Variants in RAD51D observed in about 807,000 individuals in gnomAD.
The protein encoded by RAD51D is DNA repair protein RAD51 homolog 4.
In RAD51D, 38 loss-of-function variants were observed where a neutral mutation model predicts 44.1. The ratio of observed to expected loss-of-function variants is 0.86; its 90% CI spans 0.67 to 1.13. The LOEUF (loss-of-function observed/expected upper bound fraction) is 1.13, where lower values mean the gene tolerates loss of function less well. Ranked by LOEUF, RAD51D falls within the 50% of genes most tolerant of loss-of-function variation. The pLI is 0.00. For synonymous variants in RAD51D, 141 were observed against 166.6 expected (o/e 0.85, Z 1.18); for missense variants, 390 against 414.0 (o/e 0.94, Z 0.50).
rs1305733001 is a variant in RAD51D at position 35,103,809 on chromosome 17, T to G, written c.577-265A>C. Among the ~76,000 whole-genome samples the G allele has an allele frequency of 6.6e-6, 1 of 152,264 alleles. No individual in the cohort carries two copies. Among genetic ancestry groups the G allele is most frequent in the Non-Finnish European group, 1.5e-5 (1 of 68,052 alleles). ...ACTACACTAAAGTGGCTGGGCGCAG[T>G]GGCTCACGCCTGTAATCCCAGCACT... On this transcript the variant is annotated intron_variant, in intron 6 of 9. Transcript: ENST00000345365. The surrounding 1 kb of genome is among the most constrained non-coding windows in gnomAD (Gnocchi z 4.1).
At chr17:35,119,275 A>T in intron 1 of RAD51D, 103 bp from the exon 2 acceptor site, 1 of 1,127,308 alleles carries the variant, frequency 8.9e-7, no homozygotes, top group Non-Finnish European at 1.3e-6. Flanking sequence ...ACCCCCCGGC[A>T]GGCCGTCTCA....
chr17:35,099,864 G>T lies in RAD51D; in HGVS notation c.*1089C>A, dbSNP rs1476808223. ...CTCCCAGCCAGGGTCATGGCTCTCAGACGGATGGCCACAGTGCTGGTGAAA... is the reference window on the plus strand; with the variant it reads ...CTCCCAGCCAGGGTCATGGCTCTCATACGGATGGCCACAGTGCTGGTGAAA... On this transcript the variant is annotated 3_prime_UTR_variant, in exon 10 of 10. Coordinates refer to ENST00000345365, the MANE Select transcript of RAD51D (RefSeq NM_002878.4). 3.9e-6 allele frequency: 2 copies of T among 511,720 alleles called. No homozygotes were observed. Among genetic ancestry groups the T allele is most frequent in the Admixed American group, 2.3e-5 (1 of 44,222 alleles). The allele number at this position is 511,720 out of a possible 1,614,324, so 31.7% of individuals were successfully genotyped here. A position where few individuals can be genotyped will look rare whatever the true frequency, so the allele number is the denominator to read the frequency against.
rs928068087 is a variant in RAD51D, at chr17:35,094,571, G to A, written c.*6382C>T. 2 of 152,222 alleles carry A rather than the reference G, an allele frequency of 1.3e-5. No homozygotes were observed. Among genetic ancestry groups the A allele is most frequent in the African/African-American group, 4.8e-5 (2 of 41,454 alleles). 9.4% of individuals were successfully genotyped at this position (152,222 alleles called of 1,614,324 possible). ...GATCCCGCTTTTTATGGTGAGCTAA[G>A]CTGAAAAGAGGTTGGGATGTGCAGC... On this transcript the variant is annotated 3_prime_UTR_variant, in exon 10 of 10. Transcript: ENST00000345365.
rs2091467343 is a variant in RAD51D, at chr17:35,093,268, G to A, written c.*7685C>T. The A allele has an allele frequency of 6.6e-6, 1 of 152,188 alleles. No homozygotes were observed. The highest frequency in any genetic ancestry group is 2.4e-5 in the African/African-American group (1 of 41,452). The allele number at this position is 152,188 out of a possible 1,614,324, so 9.4% of individuals were successfully genotyped here. On this transcript the variant is annotated 3_prime_UTR_variant, in exon 10 of 10. Coordinates refer to ENST00000345365, the MANE Select transcript of RAD51D (RefSeq NM_002878.4). ...ACGGTGGATGAAACTAAGGCTTAAA[G>A]AGACTGTTATTCATCCATTGTTATA...
At chr17:35,119,396 C>A in intron 1 of RAD51D, 136 bp downstream of exon 1, 1 of 1,104,166 alleles carries the variant, frequency 9.1e-7, no homozygotes, top group Admixed American at 1.7e-5. Flanking sequence ...CCTTCCTGAG[C>A]CTCTCCAGAA....
chr17:35,119,796 C>T lies in RAD51D; in HGVS notation c.-183G>A, dbSNP rs1412811387. 10 of 709,532 alleles carry T rather than the reference C, an allele frequency of 1.4e-5. No homozygotes were observed. Among genetic ancestry groups the T allele is most frequent in the Non-Finnish European group, 2.3e-5 (9 of 397,052 alleles). The allele number at this position is 709,532 out of a possible 1,614,324, so 44.0% of individuals were successfully genotyped here. On this transcript the variant is annotated 5_prime_UTR_variant, in exon 1 of 10. Coordinates refer to ENST00000345365, the MANE Select transcript of RAD51D (RefSeq NM_002878.4). ...GTAGGGCTGGGGGTCATCCGCCCGCCCGGGATCCGCCGGGATTCCCGCGCC... is the reference window on the plus strand; with the variant it reads ...GTAGGGCTGGGGGTCATCCGCCCGCTCGGGATCCGCCGGGATTCCCGCGCC...
chr17:35,117,183 G>T, intron 3 of RAD51D: 1 of 868,508 alleles, frequency 1.2e-6, no homozygotes. Context: ...TTAAGGGCAG[G>T]GGCCTTGCCT....
At chr17:35,101,111 C>T in intron 9 of RAD51D, 75 bp from the exon 10 acceptor site, 2 of 1,606,732 alleles carry the variant, frequency 1.2e-6, no homozygotes, top group Non-Finnish European at 1.7e-6. Flanking sequence ...AGGTTTCAGC[C>T]TCTAAAGAGT....
rs763512913 is a variant in RAD51D, at chr17:35,094,661, G to A, written c.*6292C>T. The stretch of plus-strand genomic sequence containing the variant: ...TGGAAACATTTACATATTTACAGCA[G>A]AAGGCAGCGTGCAGATGGGAAAAAA... On this transcript the variant is annotated 3_prime_UTR_variant, in exon 10 of 10. Transcript: ENST00000345365. The A allele has an allele frequency of 3.3e-5, 5 of 152,276 alleles. No homozygotes were observed. Among genetic ancestry groups the A allele is most frequent in the Admixed American group, 1.3e-4 (2 of 15,288 alleles). 9.4% of individuals were successfully genotyped at this position (152,276 alleles called of 1,614,324 possible).
Position 35,103,244 on chromosome 17 carries a change from G to A in RAD51D, c.738+10C>T, listed in dbSNP as rs777453585. On this transcript the variant is annotated intron_variant, in intron 8 of 9. Transcript: ENST00000345365. The surrounding 1 kb of genome is among the most constrained non-coding windows in gnomAD (Gnocchi z 4.1). Reference sequence around the variant, plus strand: ...GAAATCAAGTTCATTGGCCAAGCCTGCTTCCTCACCACCACTGCCATGCCA... The same window carrying A: ...GAAATCAAGTTCATTGGCCAAGCCTACTTCCTCACCACCACTGCCATGCCA... 3 of 1,605,126 alleles carry A rather than the reference G, an allele frequency of 1.9e-6. No individual in the cohort carries two copies. Among genetic ancestry groups the A allele is most frequent in the East Asian group, 2.2e-5 (1 of 44,722 alleles).
Position 35,103,285 on chromosome 17 carries a change from G to T in RAD51D, c.707C>A (p.Thr236Asn). The T allele has an allele frequency of 1.2e-6, 2 of 1,611,696 alleles. No homozygotes were observed. Among genetic ancestry groups the T allele is most frequent in the South Asian group, 1.1e-5 (1 of 90,392 alleles). Residue 236 changes from threonine to asparagine, a missense_variant, in exon 8 of 10, where the codon ACC becomes AAC. Transcript: ENST00000345365. This position sits in a 1 kb window ranked among gnomAD's most constrained non-coding sequence, Gnocchi z 4.1. ...LMMQLARELK[T>N]LARDLGMAVV... is the part of the protein sequence containing the mutation. ...TGCCATGCCAAGGTCCCGGGCCAGGGTCTTCAGCTCTCGGGCCAGCTGCAT... is the reference window on the plus strand; with the variant it reads ...TGCCATGCCAAGGTCCCGGGCCAGGTTCTTCAGCTCTCGGGCCAGCTGCAT...
In RAD51D at chr17:35,109,899, T is replaced by G. The variant is rs977133014; in HGVS notation, c.264-2452A>C. Reference sequence around the variant, plus strand: ...TCAGGCTGATCTCAAACTCCCGACCTCAGGTGATCAACCTGCCTTGGCCTC... The same window carrying G: ...TCAGGCTGATCTCAAACTCCCGACCGCAGGTGATCAACCTGCCTTGGCCTC... On this transcript the variant is annotated intron_variant, in intron 3 of 9. Coordinates refer to ENST00000345365, the MANE Select transcript of RAD51D (RefSeq NM_002878.4). Among the ~76,000 whole-genome samples, 6 of 151,748 alleles carry G rather than the reference T, an allele frequency of 4.0e-5. No individual in the cohort carries two copies. In the South Asian group the frequency reaches 1.2e-3, roughly 32 times the overall value.
At chr17:35,101,603 G>A (rs1202573796) in intron 8 of RAD51D, among the ~76,000 whole-genome samples, 2 of 152,150 alleles carry the variant, frequency 1.3e-5, no homozygotes. Flanking sequence ...TGGGGCACAT[G>A]TCACCATGCT....
chr17:35,100,098 A>G lies in RAD51D; in HGVS notation c.*855T>C, dbSNP rs1219419379. 1.9e-6 allele frequency: 1 copy of G among 533,092 alleles called. No homozygotes were observed. The highest frequency in any genetic ancestry group is 2.2e-5 in the Admixed American group (1 of 44,986). 33.0% of individuals were successfully genotyped at this position (533,092 alleles called of 1,614,324 possible). A position where few individuals can be genotyped will look rare whatever the true frequency, so the allele number is the denominator to read the frequency against. The stretch of plus-strand genomic sequence containing the variant: ...CCTCTGTCTGTTTATGGGCAAGGCC[A>G]TGGTTCAGCACCTCTGGTTATGCTG... On this transcript the variant is annotated 3_prime_UTR_variant, in exon 10 of 10. Coordinates refer to ENST00000345365, the MANE Select transcript of RAD51D (RefSeq NM_002878.4).
rs536668695 is a variant in RAD51D at position 35,116,391 on chromosome 17, A to G, written c.263+2110T>C. ...AGGAGTGTGACAAGCATGAACTCAA[A>G]TAACTGGTCTGCCGTTTGCTAACTG... On this transcript the variant is annotated intron_variant, in intron 3 of 9. Transcript: ENST00000345365. Among the ~76,000 whole-genome samples, 9 of 152,376 alleles carry G rather than the reference A, an allele frequency of 5.9e-5. No homozygotes were observed. In the East Asian group the frequency reaches 1.2e-3, roughly 20 times the overall value.
At position 35,097,549 on chromosome 17, in the gene RAD51D, A is replaced by G. The variant is rs949038506; in HGVS notation, c.*3404T>C. ...TATATATATATGTATATGTATATGT[A>G]TATTTTTTTCCTAAGAACTAGAGAG... On this transcript the variant is annotated 3_prime_UTR_variant, in exon 10 of 10. Transcript: ENST00000345365. 1 of 151,254 alleles carries G rather than the reference A, an allele frequency of 6.6e-6. No individual in the cohort carries two copies. Among genetic ancestry groups the G allele is most frequent in the Non-Finnish European group, 1.5e-5 (1 of 67,898 alleles). 9.4% of individuals were successfully genotyped at this position (151,254 alleles called of 1,614,324 possible).
intron 2 of RAD51D, 66 bp from the exon 3 acceptor site, chr17:35,118,685 T>C (rs2091780499): frequency 8.8e-7 from 1 of 1,142,798 alleles, no homozygotes; most frequent in East Asian, 2.3e-5. Flanking sequence ...CAGGGTGTCA[T>C]TCACCCTACT....
At chr17:35,117,157 C>G in intron 3 of RAD51D, 1 of 1,138,794 alleles carries the variant, frequency 8.8e-7, no homozygotes, top group Non-Finnish European at 1.3e-6. Context: ...TTTTCCCCTA[C>G]ACCCAACTAG....
chr17:35,116,587 C>T (rs1354834164), intron 3 of RAD51D, among the ~76,000 whole-genome samples: 1 of 152,088 alleles, frequency 6.6e-6, no homozygotes. Flanking sequence ...CTCCGCTTCC[C>T]GGGTTCATGC....
Sources: allele counts gnomAD v4.1 joint callset (sites outside exome capture counted in the v4.1 genomes callset), GRCh38; gene constraint gnomAD v4.1.1; non-coding constraint Gnocchi (gnomAD v3.1); transcripts MANE v1.5; gene names NCBI Gene and HGNC (gene_info 2026-07-23, HGNC 2026-07-21).